TMEM132D: variants seen among roughly 807,000 people sequenced by gnomAD.
TMEM132D encodes the protein mature OL transmembrane protein.
A neutral mutation model predicts 62.3 loss-of-function variants in TMEM132D; 21 were observed. The observed-to-expected ratio is 0.34, with a 90% CI of 0.24 to 0.49. The LOEUF (loss-of-function observed/expected upper bound fraction) is 0.49. Among genes scored for constraint, TMEM132D ranks in the 20% least tolerant of loss-of-function variants. The pLI is 0.99. For synonymous variants in TMEM132D, 621 were observed against 575.6 expected (o/e 1.08, Z -1.13); for missense variants, 1,346 against 1,402.8 (o/e 0.96, Z 0.65).
At chr12:129,884,498 A>G (rs1566019117) in intron 1 of TMEM132D, among the ~76,000 whole-genome samples, 1 of 152,264 alleles carries the variant, frequency 6.6e-6, no homozygotes, top group Non-Finnish European at 1.5e-5. Context: ...GATGGCAAAT[A>G]ATCACACTAA....
intron 5 of TMEM132D, among the ~76,000 whole-genome samples, chr12:129,118,037 G>T (rs1016080182): frequency 3.3e-5 from 5 of 152,112 alleles, no homozygotes; most frequent in Non-Finnish European, 5.9e-5. Context: ...TTGTGCATCT[G>T]CCCAGAGAGA....
intron 2 of TMEM132D, among the ~76,000 whole-genome samples, chr12:129,695,309 G>C (rs1466316756): frequency 6.6e-6 from 1 of 152,180 alleles, no homozygotes; most frequent in African/African-American, 2.4e-5. Context: ...GTCAATATTG[G>C]TGAATTGGGA....
At chr12:129,256,949 A>T (rs558596722) in intron 4 of TMEM132D, among the ~76,000 whole-genome samples, 1 of 152,294 alleles carries the variant, frequency 6.6e-6, no homozygotes, top group South Asian at 2.1e-4. Flanking sequence ...TCTTGAGCAG[A>T]TTCTTCAAGA....
chr12:129,276,637 T>C (rs1158600245), intron 4 of TMEM132D, among the ~76,000 whole-genome samples: 2 of 152,180 alleles, frequency 1.3e-5, no homozygotes, highest in Non-Finnish European at 2.9e-5. Flanking sequence ...GTGTCTCCTC[T>C]CAGCACCAGA....
intron 4 of TMEM132D, among the ~76,000 whole-genome samples, chr12:129,326,960 G>C (rs548119370): frequency 6.6e-6 from 1 of 152,178 alleles, no homozygotes; most frequent in Non-Finnish European, 1.5e-5. Context: ...TCAGATACTT[G>C]CGCCTCTATG....
At chr12:129,781,151 T>C (rs769143581) in intron 1 of TMEM132D, among the ~76,000 whole-genome samples, 19 of 152,184 alleles carry the variant, frequency 1.2e-4, no homozygotes, top group Non-Finnish European at 2.6e-4. Flanking sequence ...TGGTTTTAAG[T>C]CTCTTAATGA....
intron 3 of TMEM132D, among the ~76,000 whole-genome samples, chr12:129,461,973 A>G (rs1873692384): frequency 1.3e-5 from 2 of 152,192 alleles, no homozygotes; most frequent in South Asian, 4.1e-4. Flanking sequence ...GGGGATAGGT[A>G]TTATTATCTC....
intron 5 of TMEM132D, among the ~76,000 whole-genome samples, chr12:129,088,531 ATGACCGGGTGTCCTCCC>A (rs1874752980): frequency 6.9e-4 from 21 of 30,252 alleles, no homozygotes; most frequent in Admixed American, 1.8e-3. Context: ...GGTGTCCTCT[ATGACCGGGTGTCCTCCC>A]TGACCGGGTG....
chr12:129,353,355 G>A (rs1165159762), intron 3 of TMEM132D, among the ~76,000 whole-genome samples: 2 of 152,126 alleles, frequency 1.3e-5, no homozygotes, highest in African/African-American at 2.4e-5. Flanking sequence ...AGATGTCTGT[G>A]AGAATGAATA....
At chr12:129,415,349 T>A (rs2135707851) in intron 3 of TMEM132D, among the ~76,000 whole-genome samples, 1 of 152,326 alleles carries the variant, frequency 6.6e-6, no homozygotes, top group Admixed American at 6.5e-5. Flanking sequence ...TCTGTCTTTT[T>A]GGTAACGGCC....
intron 4 of TMEM132D, among the ~76,000 whole-genome samples, chr12:129,237,395 T>C (rs1593306815): frequency 6.6e-6 from 1 of 152,354 alleles, no homozygotes; most frequent in African/African-American, 2.4e-5. Context: ...TAAATTTCTT[T>C]CTGAGCTCTG....
chr12:129,170,819 T>C (rs1338133044), intron 5 of TMEM132D, among the ~76,000 whole-genome samples: 1 of 140,898 alleles, frequency 7.1e-6, no homozygotes, highest in African/African-American at 2.6e-5. Flanking sequence ...AAAAAAAAAG[T>C]GTTATTGATA....
intron 4 of TMEM132D, among the ~76,000 whole-genome samples, chr12:129,218,110 G>A (rs978629577): frequency 1.7e-4 from 26 of 152,162 alleles, no homozygotes; most frequent in Non-Finnish European, 3.7e-4. Context: ...AAAAGTCTAT[G>A]CCCTTTATCC....
chr12:129,178,813 G>A (rs564570838), intron 5 of TMEM132D, among the ~76,000 whole-genome samples: 7 of 152,340 alleles, frequency 4.6e-5, no homozygotes, highest in Non-Finnish European at 1.0e-4. Context: ...TCCATCAGGA[G>A]GTGAAGTCTA....
chr12:129,807,700 G>A (rs894411193), intron 1 of TMEM132D, among the ~76,000 whole-genome samples: 2 of 152,126 alleles, frequency 1.3e-5, no homozygotes, highest in African/African-American at 4.8e-5. Context: ...TGTGAAAGGC[G>A]GGCAGGCTGG....
At chr12:129,410,349 T>TTTCG (rs1871931110) in intron 3 of TMEM132D, among the ~76,000 whole-genome samples, 1 of 150,386 alleles carries the variant, frequency 6.6e-6, no homozygotes, top group African/African-American at 2.5e-5. Flanking sequence ...GAAAAAAAGG[T>TTTCG]TTTGTTTGTT....
At chr12:129,726,564 C>T (rs897279679) in intron 1 of TMEM132D, among the ~76,000 whole-genome samples, 19 of 152,038 alleles carry the variant, frequency 1.2e-4, no homozygotes, top group African/African-American at 3.6e-4. Flanking sequence ...ATGGTGAAGA[C>T]GCTGGGCTTT....
intron 2 of TMEM132D, among the ~76,000 whole-genome samples, chr12:129,538,848 G>C (rs887330429): frequency 2.0e-5 from 3 of 151,910 alleles, no homozygotes; most frequent in East Asian, 3.9e-4. Flanking sequence ...CAGAAGGAGC[G>C]TTGGCTACTA....
intron 4 of TMEM132D, among the ~76,000 whole-genome samples, chr12:129,294,955 G>C (rs1413038745): frequency 6.6e-6 from 1 of 152,144 alleles, no homozygotes; most frequent in Non-Finnish European, 1.5e-5. Context: ...GCCACAGGGT[G>C]CCCAGATATT....
Sources: gnomAD v4.1 joint callset for allele counts (sites outside exome capture counted in the v4.1 genomes callset) on GRCh38, gnomAD v4.1.1 for gene constraint, MANE v1.5 for transcripts, NCBI Gene and HGNC (gene_info 2026-07-23, HGNC 2026-07-21) for gene names.